The following CCDC171 variants were observed in gnomAD, a reference collection of about 807,000 sequenced individuals.
The protein encoded by CCDC171 is coiled-coil domain containing 171.
CCDC171 carries 177 observed loss-of-function variants against 168.2 expected under a neutral mutation model. The ratio of observed to expected loss-of-function variants is 1.05; its 90% CI spans 0.93 to 1.19. The LOEUF (loss-of-function observed/expected upper bound fraction) is 1.19, where lower values mean the gene tolerates loss of function less well. Among genes scored for constraint, CCDC171 ranks in the 50% most tolerant of loss-of-function variants. The pLI, the probability that CCDC171 is intolerant of heterozygous loss-of-function variation, is 0.00. For missense variants in CCDC171, 1,991 were observed against 1,539.0 expected (o/e 1.29, Z -4.91); for synonymous variants, 687 against 540.8 (o/e 1.27, Z -3.75).
chr9:15,587,396 C>G lies in CCDC171; in HGVS notation c.353-3970C>G, dbSNP rs756426911. 2.1e-4 allele frequency among the ~76,000 whole-genome samples: 32 copies of G among 152,210 alleles called. 1 individual carries two copies. Among genetic ancestry groups the G allele is most frequent in the Non-Finnish European group, 4.3e-4 (29 of 68,038 alleles). On this transcript the variant is annotated intron_variant, in intron 4 of 25. Transcript: ENST00000380701. Reference sequence around the variant, plus strand: ...TTTTAAAAATGGGAGTTTCTCTACACAAGCTCTCCTTTTGCCTGCTGCCAT... The same window carrying G: ...TTTTAAAAATGGGAGTTTCTCTACAGAAGCTCTCCTTTTGCCTGCTGCCAT...
At chr9:15,833,730 G>T (rs776123017) in intron 21 of CCDC171, among the ~76,000 whole-genome samples, 2 of 152,174 alleles carry the variant, frequency 1.3e-5, no homozygotes, top group Non-Finnish European at 2.9e-5. Flanking sequence ...GATAAAAATA[G>T]CTAGGATTTA....
At chr9:15,601,546 T>TG (rs2042855141) in intron 6 of CCDC171, among the ~76,000 whole-genome samples, 1 of 152,238 alleles carries the variant, frequency 6.6e-6, no homozygotes, top group Non-Finnish European at 1.5e-5. Context: ...TCTAAGTACT[T>TG]ACTGAGTTAC....
intron 7 of CCDC171, among the ~76,000 whole-genome samples, chr9:15,651,835 T>C (rs1050405026): frequency 6.9e-6 from 1 of 145,876 alleles, no homozygotes; most frequent in Non-Finnish European, 1.5e-5. Flanking sequence ...GTTGTTTGTT[T>C]GTTTGTTTGT....
chr9:15,637,662 T>TC (rs1280567532), intron 7 of CCDC171, among the ~76,000 whole-genome samples: 1 of 131,548 alleles, frequency 7.6e-6, no homozygotes, highest in Non-Finnish European at 1.6e-5. Context: ...ATGTTCCCCT[T>TC]CCTGTGTCCA....
chr9:15,760,481 G>T (rs1364954709), intron 18 of CCDC171, among the ~76,000 whole-genome samples: 1 of 152,128 alleles, frequency 6.6e-6, no homozygotes, highest in Non-Finnish European at 1.5e-5. Context: ...TACTATTTGT[G>T]TGTTATTGGG....
At chr9:15,914,562 G>C (rs1187680231) in intron 24 of CCDC171, among the ~76,000 whole-genome samples, 1 of 152,194 alleles carries the variant, frequency 6.6e-6, no homozygotes, top group Non-Finnish European at 1.5e-5. Flanking sequence ...TTTCAAGCCA[G>C]TGGATCTTAG....
intron 7 of CCDC171, among the ~76,000 whole-genome samples, chr9:15,654,259 A>C (rs2132872662): frequency 6.6e-6 from 1 of 152,184 alleles, no homozygotes; most frequent in East Asian, 1.9e-4. Context: ...AATATTTTCC[A>C]TAGGGTTGTA....
At chr9:16,067,495 T>G in the CCDC171 span, among the ~76,000 whole-genome samples, 424 of 152,332 alleles carry the variant, frequency 2.8e-3, 1 homozygote, top group Non-Finnish European at 4.8e-3. Context: ...TTTTGGCTTT[T>G]GTTGCCATTG....
chr9:15,883,450 C>T (rs1588983838), intron 24 of CCDC171, among the ~76,000 whole-genome samples: 1 of 152,246 alleles, frequency 6.6e-6, no homozygotes, highest in South Asian at 2.1e-4. Context: ...TGCCTTCTGT[C>T]TCTCAACTCC....
At chr9:15,699,740 C>T (rs941059107) in intron 11 of CCDC171, among the ~76,000 whole-genome samples, 13 of 152,100 alleles carry the variant, frequency 8.5e-5, no homozygotes, top group African/African-American at 2.2e-4. Context: ...TACAGAGTGC[C>T]GATTGGTGTA....
intron 4 of CCDC171, among the ~76,000 whole-genome samples, chr9:15,584,996 C>G (rs563019148): frequency 2.7e-4 from 41 of 152,238 alleles, no homozygotes; most frequent in African/African-American, 7.7e-4. Context: ...AGGAAAAATG[C>G]GTAACCTCAC....
intron 10 of CCDC171, among the ~76,000 whole-genome samples, chr9:15,684,892 C>G (rs1042576389): frequency 6.6e-6 from 1 of 152,132 alleles, no homozygotes; most frequent in African/African-American, 2.4e-5. Flanking sequence ...CCTGTTTACA[C>G]TGGTTGTAGA....
At chr9:15,675,904 T>A (rs1351103412) in intron 9 of CCDC171, among the ~76,000 whole-genome samples, 1 of 152,210 alleles carries the variant, frequency 6.6e-6, no homozygotes, top group Non-Finnish European at 1.5e-5. Context: ...ATTTCCTGAA[T>A]TTGAATGTTG....
chr9:15,956,693 A>G (rs1212905077), intron 25 of CCDC171, among the ~76,000 whole-genome samples: 1 of 152,164 alleles, frequency 6.6e-6, no homozygotes, highest in Non-Finnish European at 1.5e-5. Flanking sequence ...TTAGCCAAAC[A>G]TATATTCAAG....
chr9:15,934,951 T>A (rs1417164204), intron 25 of CCDC171, among the ~76,000 whole-genome samples: 1 of 151,992 alleles, frequency 6.6e-6, no homozygotes, highest in Non-Finnish European at 1.5e-5. Flanking sequence ...ATATCCAGAA[T>A]AGGCAAATCC....
chr9:16,000,294 G>T lies in CCDC171; in HGVS notation n.369-20295G>T, dbSNP rs114937863. On this transcript the variant is annotated intron_variant and non_coding_transcript_variant, in intron 3 of 9. Transcript: ENST00000486641. ...TTTTCTTTCCGTATTATTCTCTATA[G>T]AATAAGTTTCAAAAACAAGGGATTG... Among the ~76,000 whole-genome samples, 1,052 of 152,172 alleles carry T rather than the reference G, an allele frequency of 6.9e-3. 9 individuals are homozygous for T. Among genetic ancestry groups the T allele is most frequent in the African/African-American group, 0.024 (1,002 of 41,516 alleles).
chr9:15,842,673 A>T (rs1167944481), intron 21 of CCDC171, among the ~76,000 whole-genome samples: 1 of 151,964 alleles, frequency 6.6e-6, no homozygotes, highest in Non-Finnish European at 1.5e-5. Flanking sequence ...TACACCTTAA[A>T]AGAGTGAATT....
chr9:16,102,808 G>A, the CCDC171 span, among the ~76,000 whole-genome samples: 5 of 152,196 alleles, frequency 3.3e-5, no homozygotes, highest in Non-Finnish European at 5.9e-5. Flanking sequence ...AGCATGGAGA[G>A]CTTCTTTTCA....
chr9:15,989,469 G>C lies in CCDC171; in HGVS notation n.369-31120G>C, dbSNP rs528035098. ...GACCAAAGGTAGGTAAACCCTCAAA[G>C]ATGGGGAAAAAACAGAGCAGAAAAG... On this transcript the variant is annotated intron_variant and non_coding_transcript_variant, in intron 3 of 9. Transcript: ENST00000486641. 5.9e-5 allele frequency among the ~76,000 whole-genome samples: 9 copies of C among 152,274 alleles called. No individual in the cohort carries two copies. The East Asian group carries it at 1.5e-3, about 26-fold the overall frequency.
Sources: allele counts gnomAD v4.1 joint callset (sites outside exome capture counted in the v4.1 genomes callset), GRCh38; gene constraint gnomAD v4.1.1; transcripts MANE v1.5; gene names NCBI Gene and HGNC (gene_info 2026-07-23, HGNC 2026-07-21).